Variants in PIP5K1A observed in about 807,000 individuals in gnomAD.
PIP5K1A encodes the protein phosphatidylinositol 4-phosphate 5-kinase type-1 alpha.
PIP5K1A carries 46 observed loss-of-function variants against 72.9 expected under a neutral mutation model. That is an observed-to-expected ratio of 0.63 (90% CI 0.50 to 0.81). PIP5K1A has a LOEUF of 0.81. Among genes scored for constraint, PIP5K1A ranks in the 30% least tolerant of loss-of-function variants. The probability of loss-of-function intolerance (pLI) is 0.00; values close to 1 mark genes in which losing one functional copy is unlikely to be tolerated. For synonymous variants in PIP5K1A, 228 were observed against 255.1 expected (o/e 0.89, Z 1.01); for missense variants, 458 against 706.1 (o/e 0.65, Z 3.98).
At chr1:151,237,110 G>A (rs986920010) in intron 9 of PIP5K1A, among the ~76,000 whole-genome samples, 4 of 152,022 alleles carry the variant, frequency 2.6e-5, no homozygotes, top group Non-Finnish European at 4.4e-5. Flanking sequence ...GATTACAGGC[G>A]TGAGCCACCG....
At chr1:151,213,650 G>A (rs943853412) in intron 1 of PIP5K1A, 1 of 152,124 alleles carries the variant, frequency 6.6e-6, no homozygotes, top group Admixed American at 6.6e-5. Flanking sequence ...ATCATCAGCA[G>A]CATTTCTGGC....
At position 151,248,558 on chromosome 1, in the gene PIP5K1A, C is replaced by G. The variant is rs1013304728; in HGVS notation, c.*693C>G. 2.6e-5 allele frequency: 4 copies of G among 152,564 alleles called. No homozygotes were observed. Among genetic ancestry groups the G allele is most frequent in the African/African-American group, 9.7e-5 (4 of 41,412 alleles). 9.5% of individuals were successfully genotyped at this position (152,564 alleles called of 1,614,324 possible). A position where few individuals can be genotyped will look rare whatever the true frequency, so the allele number is the denominator to read the frequency against. On this transcript the variant is annotated 3_prime_UTR_variant, in exon 16 of 16. Coordinates refer to ENST00000368888, the MANE Select transcript of PIP5K1A (RefSeq NM_001135638.2). ...GTGATTGCTCTGCCAGAAGCAGCTC[C>G]TCTTTAAACTCCTCCTCTCTTGATG...
chr1:151,232,742 C>T (rs1690274971), intron 7 of PIP5K1A, 39 bp downstream of exon 7: 1 of 1,585,684 alleles, frequency 6.3e-7, no homozygotes, highest in Non-Finnish European at 8.6e-7. Flanking sequence ...GTGCTGCTCA[C>T]TTCTGGGCAA....
At chr1:151,226,707 C>CT (rs1689195478) in intron 3 of PIP5K1A, among the ~76,000 whole-genome samples, 1 of 102,080 alleles carries the variant, frequency 9.8e-6, no homozygotes, top group African/African-American at 3.7e-5. Context: ...AAGCGAAACT[C>CT]TGTCTCAAAA....
intron 4 of PIP5K1A, 49 bp from the exon 5 acceptor site, chr1:151,231,622 T>A: frequency 6.4e-7 from 1 of 1,553,256 alleles, no homozygotes; most frequent in South Asian, 1.1e-5. Flanking sequence ...TTTATTGTTA[T>A]GATCCTACTT....
At chr1:151,200,383 T>G in intron 1 of PIP5K1A, among the ~76,000 whole-genome samples, 1 of 134,840 alleles carries the variant, frequency 7.4e-6, no homozygotes, top group East Asian at 2.3e-4. Flanking sequence ...AAGCAGTAGA[T>G]TGTGTGTAGG....
chr1:151,240,767 C>A (rs1691568068), intron 12 of PIP5K1A, among the ~76,000 whole-genome samples: 1 of 151,972 alleles, frequency 6.6e-6, no homozygotes, highest in African/African-American at 2.4e-5. Flanking sequence ...GTCTCTACAA[C>A]AAATTTTAAA....
intron 11 of PIP5K1A, 98 bp downstream of exon 11, chr1:151,239,276 CTTTTTTTTTTTTTT>C: frequency 1.6e-6 from 1 of 606,482 alleles, no homozygotes; most frequent in Non-Finnish European, 2.8e-6. Flanking sequence ...TTTCTTTTTT[CTTTTTTTTTTTTTT>C]GAGACAGGGT....
At chr1:151,238,633 C>G (rs1450774526) in intron 10 of PIP5K1A, 1 of 268,222 alleles carries the variant, frequency 3.7e-6, no homozygotes, top group Non-Finnish European at 7.2e-6. Context: ...GGAGGAAAAA[C>G]AGGAGGGTCA....
At position 151,245,145 on chromosome 1, in the gene PIP5K1A, T is replaced by C. The variant is rs587646674; in HGVS notation, c.1641-1775T>C. ...TTTAATAGTCCTTCCCATAATTTCT[T>C]TATCTTCTCCTATATTTTATTATAA... is the stretch of plus-strand genomic sequence containing the variant. On this transcript the variant is annotated intron_variant, in intron 14 of 15. Coordinates refer to ENST00000368888, the MANE Select transcript of PIP5K1A (RefSeq NM_001135638.2). 5.9e-5 allele frequency among the ~76,000 whole-genome samples: 9 copies of C among 152,284 alleles called. No homozygotes were observed. The South Asian group carries it at 6.2e-4, about 11-fold the overall frequency.
intron 12 of PIP5K1A, 53 bp downstream of exon 12, chr1:151,240,092 C>G (rs1691478530): frequency 7.8e-7 from 1 of 1,289,190 alleles, no homozygotes. Flanking sequence ...GCTCCCTTAC[C>G]CCAAGAGAAC....
chr1:151,214,077 C>G (rs911933607), intron 1 of PIP5K1A, among the ~76,000 whole-genome samples: 3 of 151,858 alleles, frequency 2.0e-5, no homozygotes, highest in Non-Finnish European at 4.4e-5. Flanking sequence ...TTTTTCCACT[C>G]AATATATTGA....
At chr1:151,223,220 G>A (rs182247331) in intron 1 of PIP5K1A, among the ~76,000 whole-genome samples, 74 of 151,894 alleles carry the variant, frequency 4.9e-4, no homozygotes, top group African/African-American at 1.7e-3. Flanking sequence ...GCATGGTGGC[G>A]GGCACCTGTA....
In PIP5K1A at chr1:151,242,194, T is replaced by G. The variant is rs1452699956; in HGVS notation, c.1435T>G (p.Ser479Ala). Reference protein sequence around the residue: ...FSRRAGSSGNSCITYQPSVSG... With the variant: ...FSRRAGSSGNACITYQPSVSG... Reference sequence around the variant, plus strand: ...TCGGCGAGCAGGCTCCAGTGGCAACTCCTGCATTACTTACCAGCCATCGGT... The same window carrying G: ...TCGGCGAGCAGGCTCCAGTGGCAACGCCTGCATTACTTACCAGCCATCGGT... The change falls in exon 13 of 16, where the codon TCC (serine) becomes GCC (alanine). Residue 479 changes from serine to alanine, a missense_variant. This residue lies in a region of PIP5K1A where 157 missense variants were observed against 175.5 expected (regional missense o/e 0.89). Transcript: ENST00000368888. 1 of 1,614,066 alleles carries G rather than the reference T, an allele frequency of 6.2e-7. No individual in the cohort carries two copies. The highest frequency in any genetic ancestry group is 1.7e-5 in the Admixed American group (1 of 60,010).
intron 4 of PIP5K1A, among the ~76,000 whole-genome samples, chr1:151,231,123 C>T (rs1278318075): frequency 1.3e-5 from 2 of 150,358 alleles, no homozygotes; most frequent in Non-Finnish European, 2.9e-5. Flanking sequence ...ATGAGAATCG[C>T]TTGAACCGGG....
At chr1:151,237,120 G>A (rs1465288214) in intron 9 of PIP5K1A, among the ~76,000 whole-genome samples, 4 of 151,998 alleles carry the variant, frequency 2.6e-5, no homozygotes, top group Non-Finnish European at 5.9e-5. Flanking sequence ...GTGAGCCACC[G>A]TGCCCGGCCA....
chr1:151,214,217 T>A (rs1229941021), intron 1 of PIP5K1A, among the ~76,000 whole-genome samples: 1 of 152,192 alleles, frequency 6.6e-6, no homozygotes, highest in East Asian at 1.9e-4. Flanking sequence ...CAATTATAGT[T>A]ATATATACAC....
chr1:151,238,942 A>G (rs1691262754), intron 10 of PIP5K1A, among the ~76,000 whole-genome samples, 188 bp from the exon 11 acceptor site: 1 of 152,212 alleles, frequency 6.6e-6, no homozygotes, highest in Non-Finnish European at 1.5e-5. Context: ...TAGAAACAAC[A>G]TTGGTCTCTG....
intron 4 of PIP5K1A, 80 bp from the exon 5 acceptor site, chr1:151,231,591 C>T (rs1349924726): frequency 7.9e-6 from 10 of 1,271,902 alleles, no homozygotes; most frequent in Non-Finnish European, 5.7e-6. Context: ...AGTGTTCCTT[C>T]TAGCTTCCCC....
Sources: allele counts gnomAD v4.1 joint callset (sites outside exome capture counted in the v4.1 genomes callset), GRCh38; gene constraint gnomAD v4.1.1; regional missense constraint gnomAD v4.1.1; transcripts MANE v1.5; gene names NCBI Gene and HGNC (gene_info 2026-07-23, HGNC 2026-07-21).